The following RNF150 variants were observed in gnomAD, a reference collection of about 807,000 sequenced individuals.
The protein encoded by RNF150 is ring finger protein 150.
Under a neutral mutation model 39.3 loss-of-function variants are expected in RNF150, and 24 were observed. The ratio of observed to expected loss-of-function variants is 0.61; its 90% CI spans 0.44 to 0.86. The LOEUF (loss-of-function observed/expected upper bound fraction) is 0.86, where lower values mean the gene tolerates loss of function less well. RNF150 is among the 40% of genes least tolerant of loss of function. RNF150 has a pLI of 0.00. For synonymous variants in RNF150, 255 were observed against 227.3 expected, an observed-to-expected ratio of 1.12 and a Z score of -1.10; for missense variants, 502 against 587.8, an observed-to-expected ratio of 0.85 and a Z score of 1.51.
At chr4:141,172,074 A>G (rs1213707516) in intron 1 of RNF150, among the ~76,000 whole-genome samples, 1 of 152,244 alleles carries the variant, frequency 6.6e-6, no homozygotes, top group Non-Finnish European at 1.5e-5. Flanking sequence ...GAAAAGCACC[A>G]CAAAATTTCA....
chr4:141,072,626 T>C (rs1381382691), intron 1 of RNF150, among the ~76,000 whole-genome samples: 6 of 152,222 alleles, frequency 3.9e-5, no homozygotes, highest in Non-Finnish European at 8.8e-5. Context: ...ATCACAAATA[T>C]AATTACATCT....
intron 6 of RNF150, among the ~76,000 whole-genome samples, chr4:140,904,394 T>A (rs1371869058): frequency 6.6e-6 from 1 of 152,208 alleles, no homozygotes; most frequent in African/African-American, 2.4e-5. Context: ...ATCAAAGCAA[T>A]CATCTTTCCA....
At chr4:141,072,565 G>C (rs1737747118) in intron 1 of RNF150, among the ~76,000 whole-genome samples, 2 of 152,146 alleles carry the variant, frequency 1.3e-5, no homozygotes, top group South Asian at 2.1e-4. Flanking sequence ...AGTAGCAAGT[G>C]ATATAAGAGT....
chr4:141,102,042 A>G (rs1046495470), intron 1 of RNF150, among the ~76,000 whole-genome samples: 6 of 152,110 alleles, frequency 3.9e-5, no homozygotes, highest in African/African-American at 1.4e-4. Flanking sequence ...TTGACCTCCC[A>G]AAGTTCTGGG....
intron 1 of RNF150, among the ~76,000 whole-genome samples, chr4:141,208,807 G>T (rs1419119456): frequency 6.6e-6 from 1 of 152,000 alleles, no homozygotes; most frequent in Admixed American, 6.6e-5. Flanking sequence ...AGGACTCTTG[G>T]GTCAGAGACA....
intron 1 of RNF150, among the ~76,000 whole-genome samples, chr4:141,113,700 A>G (rs1216845064): frequency 6.6e-6 from 1 of 152,170 alleles, no homozygotes; most frequent in Non-Finnish European, 1.5e-5. Context: ...CTCCACCCCA[A>G]ATCAACAGAA....
intron 1 of RNF150, among the ~76,000 whole-genome samples, chr4:141,101,932 C>T (rs1232939320): frequency 6.6e-6 from 1 of 152,078 alleles, no homozygotes; most frequent in Admixed American, 6.6e-5. Context: ...CAGGCATGTG[C>T]CACCATGCCT....
At chr4:141,100,105 G>C (rs1222701491) in intron 1 of RNF150, among the ~76,000 whole-genome samples, 1 of 152,098 alleles carries the variant, frequency 6.6e-6, no homozygotes, top group Non-Finnish European at 1.5e-5. Flanking sequence ...ATAGGACTAG[G>C]TTAAAATCAA....
intron 1 of RNF150, among the ~76,000 whole-genome samples, chr4:141,040,175 A>ACACC (rs1382270511): frequency 6.6e-6 from 1 of 151,918 alleles, no homozygotes; most frequent in Non-Finnish European, 1.5e-5. Context: ...AACCACACAC[A>ACACC]CACACACACA....
intron 1 of RNF150, among the ~76,000 whole-genome samples, chr4:141,035,401 T>C (rs1315876116): frequency 6.6e-6 from 1 of 152,176 alleles, no homozygotes; most frequent in African/African-American, 2.4e-5. Context: ...CATTACAGTT[T>C]ACCCTAAAAA....
intron 6 of RNF150, among the ~76,000 whole-genome samples, chr4:140,907,222 A>G (rs1730415235): frequency 6.6e-6 from 1 of 152,224 alleles, no homozygotes; most frequent in Non-Finnish European, 1.5e-5. Context: ...ACTGGTGAGT[A>G]ACGTGTGGGC....
chr4:141,122,520 C>T (rs1464001322), intron 1 of RNF150, among the ~76,000 whole-genome samples: 1 of 152,234 alleles, frequency 6.6e-6, no homozygotes, highest in Non-Finnish European at 1.5e-5. Flanking sequence ...AACTGCTCTA[C>T]AGCTACACAT....
At chr4:141,009,615 T>C (rs73858468) in intron 1 of RNF150, among the ~76,000 whole-genome samples, 11,052 of 152,286 alleles carry the variant, frequency 0.073, 452 homozygotes, top group Middle Eastern at 0.16. Context: ...ATGTTAGTTA[T>C]TATTATTTTC....
chr4:140,979,031 G>A (rs565538153), intron 1 of RNF150, among the ~76,000 whole-genome samples: 1 of 152,158 alleles, frequency 6.6e-6, no homozygotes. Context: ...TGTATGCAAG[G>A]AATTGCTTCC....
intron 1 of RNF150, among the ~76,000 whole-genome samples, chr4:141,100,746 T>A (rs1418143353): frequency 6.6e-6 from 1 of 152,022 alleles, no homozygotes; most frequent in Non-Finnish European, 1.5e-5. Context: ...CATCATAGAG[T>A]GTACTTAACA....
At chr4:141,025,533 AAAAAAATG>A (rs1263309671) in intron 1 of RNF150, among the ~76,000 whole-genome samples, 1 of 152,142 alleles carries the variant, frequency 6.6e-6, no homozygotes, top group Admixed American at 6.6e-5. Flanking sequence ...TGAAAGCTGA[AAAAAAATG>A]AAAAATGAGA....
At chr4:141,168,123 A>T (rs1391159888) in intron 1 of RNF150, among the ~76,000 whole-genome samples, 1 of 152,162 alleles carries the variant, frequency 6.6e-6, no homozygotes, top group Non-Finnish European at 1.5e-5. Flanking sequence ...CCCCATCAAA[A>T]AGCGGGCAAA....
At chr4:141,054,963 C>T (rs1325295535) in intron 1 of RNF150, among the ~76,000 whole-genome samples, 3 of 152,046 alleles carry the variant, frequency 2.0e-5, no homozygotes, top group African/African-American at 7.2e-5. Flanking sequence ...TGTAAAATGC[C>T]ATTACTTTAA....
intron 1 of RNF150, among the ~76,000 whole-genome samples, chr4:141,155,590 T>A (rs1185477540): frequency 6.6e-6 from 1 of 152,098 alleles, no homozygotes; most frequent in Non-Finnish European, 1.5e-5. Flanking sequence ...ATCACAAAAT[T>A]GGGTATGCAA....
Sources: gnomAD v4.1 joint callset for allele counts (sites outside exome capture counted in the v4.1 genomes callset) on GRCh38, gnomAD v4.1.1 for gene constraint, MANE v1.5 for transcripts, NCBI Gene and HGNC (gene_info 2026-07-23, HGNC 2026-07-21) for gene names.